The following NAA11 variants were observed in gnomAD, a reference collection of about 807,000 sequenced individuals.
NAA11 encodes the protein N-alpha-acetyltransferase 11.
NAA11 carries 15 observed loss-of-function variants against 16.1 expected under a neutral mutation model. The observed-to-expected ratio is 0.93, with a 90% CI of 0.62 to 1.44. The LOEUF (loss-of-function observed/expected upper bound fraction) is 1.44, where lower values mean the gene tolerates loss of function less well. NAA11 is among the 40% of genes most tolerant of loss of function. NAA11 has a pLI of 0.00. For synonymous variants in NAA11, 122 were observed against 112.4 expected, an observed-to-expected ratio of 1.09 and a Z score of -0.54; for missense variants, 298 against 291.3, an observed-to-expected ratio of 1.02 and a Z score of -0.17.
chr4:79,308,548 G>A (rs1723660789), intron 1 of NAA11: 1 of 152,152 alleles, frequency 6.6e-6, no homozygotes, highest in Non-Finnish European at 1.5e-5. Context: ...AAGCCTGTAT[G>A]CATAATTCCC....
the NAA11 span, among the ~76,000 whole-genome samples, chr4:79,190,396 G>A: frequency 1.3e-5 from 2 of 151,056 alleles, no homozygotes; most frequent in Admixed American, 6.6e-5. Context: ...ATAAAATATT[G>A]ATAACGAATG....
At chr4:79,196,672 C>G in the NAA11 span, among the ~76,000 whole-genome samples, 7 of 151,880 alleles carry the variant, frequency 4.6e-5, no homozygotes, top group Non-Finnish European at 1.5e-5. Context: ...TGTCCATATT[C>G]TATTCCATGG....
intron 2 of NAA11, among the ~76,000 whole-genome samples, chr4:79,293,275 A>G (rs1224398437): frequency 6.6e-6 from 1 of 152,174 alleles, no homozygotes; most frequent in Non-Finnish European, 1.5e-5. Flanking sequence ...AGTGTTTAAA[A>G]ACAAAGGGAA....
At chr4:79,165,515 T>C in the NAA11 span, among the ~76,000 whole-genome samples, 13 of 152,206 alleles carry the variant, frequency 8.5e-5, no homozygotes, top group East Asian at 3.8e-4. Context: ...GGAAGTTGTG[T>C]TGACATATGC....
At chr4:79,284,126 A>T (rs1722857224) in intron 2 of NAA11, among the ~76,000 whole-genome samples, 1 of 152,076 alleles carries the variant, frequency 6.6e-6, no homozygotes, top group African/African-American at 2.4e-5. Context: ...TCCATTTGGG[A>T]GGCAACAGCC....
At chr4:79,211,052 C>T in the NAA11 span, among the ~76,000 whole-genome samples, 4 of 151,946 alleles carry the variant, frequency 2.6e-5, no homozygotes, top group East Asian at 7.7e-4. Context: ...TTTTTTTGCC[C>T]AGTAATCTAC....
chr4:79,159,745 TTTTTG>T, the NAA11 span, among the ~76,000 whole-genome samples: 5,772 of 152,220 alleles, frequency 0.038, 377 homozygotes, highest in African/African-American at 0.13. Flanking sequence ...ATGAATCTAC[TTTTTG>T]TTTGTATAAA....
chr4:79,234,437 T>G (rs1262734599), intron 2 of NAA11, among the ~76,000 whole-genome samples: 2 of 152,154 alleles, frequency 1.3e-5, no homozygotes, highest in Non-Finnish European at 2.9e-5. Flanking sequence ...TCAGGGCATA[T>G]GGTCTACGCT....
intron 2 of NAA11, among the ~76,000 whole-genome samples, chr4:79,286,065 A>G (rs1275567463): frequency 6.6e-6 from 1 of 152,086 alleles, no homozygotes; most frequent in Non-Finnish European, 1.5e-5. Context: ...TCCTCTTTCT[A>G]TTCAACAGTC....
At chr4:79,229,214 T>C (rs1165505691) in intron 2 of NAA11, among the ~76,000 whole-genome samples, 2 of 152,030 alleles carry the variant, frequency 1.3e-5, no homozygotes, top group African/African-American at 4.8e-5. Context: ...CATTTTAATA[T>C]ATGATGCATT....
Position 79,325,237 on chromosome 4 carries a change from T to G in NAA11, c.641A>C (p.Glu214Ala), listed in dbSNP as rs1560481279. The change falls in exon 1 of 2, where the codon GAG (glutamate) becomes GCG (alanine). Residue 214 changes from glutamate (E) to alanine (A), a missense_variant. Glu to Ala is a moderately radical substitution (Grantham distance 107). Coordinates refer to ENST00000286794, the MANE Select transcript of NAA11 (RefSeq NM_032693.3). ...SDSKEPKESV[E>A]STNVQDSSES... Reference sequence around the variant, plus strand: ...TGAGCTGTCCTGGACGTTGGTGCTCTCCACAGACTCCTTAGGTTCTTTGCT... The same window carrying G: ...TGAGCTGTCCTGGACGTTGGTGCTCGCCACAGACTCCTTAGGTTCTTTGCT... 5.0e-6 allele frequency: 8 copies of G among 1,613,530 alleles called. No homozygotes were observed. Among genetic ancestry groups the G allele is most frequent in the Middle Eastern group, 1.6e-4 (1 of 6,062 alleles).
At chr4:79,191,775 G>C in the NAA11 span, among the ~76,000 whole-genome samples, 1 of 152,234 alleles carries the variant, frequency 6.6e-6, no homozygotes, top group Admixed American at 6.5e-5. Context: ...TTTCAGGATG[G>C]TAATGCCTAG....
the NAA11 span, among the ~76,000 whole-genome samples, chr4:79,183,002 A>G: frequency 2.0e-5 from 3 of 152,182 alleles, no homozygotes; most frequent in African/African-American, 7.2e-5. Context: ...TACAGGAATT[A>G]TCTAGATATA....
chr4:79,242,187 G>A (rs2109961860), intron 2 of NAA11, among the ~76,000 whole-genome samples: 2 of 152,246 alleles, frequency 1.3e-5, no homozygotes. Context: ...TGCATTCCTA[G>A]AGAGTCTTGT....
At chr4:79,250,305 C>T (rs192650521) in intron 2 of NAA11, among the ~76,000 whole-genome samples, 261 of 152,322 alleles carry the variant, frequency 1.7e-3, no homozygotes, top group Non-Finnish European at 5.7e-4. Flanking sequence ...GCCAGGGAGC[C>T]GAGAGGCCAC....
At chr4:79,230,297 A>G (rs2109955051) in intron 2 of NAA11, among the ~76,000 whole-genome samples, 1 of 151,942 alleles carries the variant, frequency 6.6e-6, no homozygotes, top group Admixed American at 6.6e-5. Flanking sequence ...GAGGGGAGGG[A>G]TAGCATTGGG....
chr4:79,191,177 G>A, the NAA11 span, among the ~76,000 whole-genome samples: 4 of 152,070 alleles, frequency 2.6e-5, no homozygotes, highest in African/African-American at 2.4e-5. Flanking sequence ...TATTCCTCTG[G>A]GTATATACCC....
At chr4:79,309,702 T>G (rs932512398) in intron 1 of NAA11, among the ~76,000 whole-genome samples, 2 of 102,450 alleles carry the variant, frequency 2.0e-5, no homozygotes, top group African/African-American at 5.5e-5. Context: ...TCTATTGGTG[T>G]TTTTTTTTTT....
chr4:79,232,063 T>C (rs1322549336), intron 2 of NAA11, among the ~76,000 whole-genome samples: 1 of 151,858 alleles, frequency 6.6e-6, no homozygotes, highest in Non-Finnish European at 1.5e-5. Context: ...TTCTTATCTT[T>C]TGGATAAATG....
Sources: gnomAD v4.1 joint callset for allele counts (sites outside exome capture counted in the v4.1 genomes callset) on GRCh38, gnomAD v4.1.1 for gene constraint, MANE v1.5 for transcripts, NCBI Gene and HGNC (gene_info 2026-07-23, HGNC 2026-07-21) for gene names.